The following C6 variants were observed in gnomAD, a reference collection of about 807,000 sequenced individuals.
The protein encoded by C6 is complement C6.
In C6, 101 loss-of-function variants were observed where a neutral mutation model predicts 112.9. That is an observed-to-expected ratio of 0.89 (90% CI 0.76 to 1.06). The LOEUF is 1.06. Ranked by LOEUF, C6 falls within the 50% of genes least tolerant of loss-of-function variation. C6 has a pLI of 0.00. For missense variants in C6, 1,202 were observed against 1,104.6 expected, an observed-to-expected ratio of 1.09 and a Z score of -1.25; for synonymous variants, 431 against 384.1, an observed-to-expected ratio of 1.12 and a Z score of -1.43.
chr5:41,176,095 G>A (rs1013207080), intron 8 of C6, among the ~76,000 whole-genome samples: 6 of 152,128 alleles, frequency 3.9e-5, no homozygotes, highest in Non-Finnish European at 5.9e-5. Flanking sequence ...CTATAAAAAT[G>A]TTATTCATAA....
chr5:41,242,391 T>A (rs1289337674), intron 1 of C6, among the ~76,000 whole-genome samples: 1 of 152,200 alleles, frequency 6.6e-6, no homozygotes, highest in Non-Finnish European at 1.5e-5. Flanking sequence ...TCTGCCATGA[T>A]TGTAAGTTTC....
At chr5:41,189,241 A>T (rs1273897836) in intron 5 of C6, among the ~76,000 whole-genome samples, 1 of 152,076 alleles carries the variant, frequency 6.6e-6, no homozygotes, top group African/African-American at 2.4e-5. Context: ...TTAAATGTAT[A>T]ATTACCATAA....
chr5:41,200,748 A>T (rs1352511905), intron 3 of C6, among the ~76,000 whole-genome samples: 1 of 152,142 alleles, frequency 6.6e-6, no homozygotes, highest in African/African-American at 2.4e-5. Flanking sequence ...TCAATGGGGA[A>T]CAATAAACAA....
chr5:41,213,758 C>T (rs1752081519), upstream of C6, among the ~76,000 whole-genome samples: 1 of 152,140 alleles, frequency 6.6e-6, no homozygotes, highest in Admixed American at 6.6e-5. Context: ...CTTAAAATTG[C>T]TGCCCCCCTT....
At chr5:41,249,420 T>C (rs1485705990) in intron 1 of C6, among the ~76,000 whole-genome samples, 1 of 152,184 alleles carries the variant, frequency 6.6e-6, no homozygotes. Context: ...AAAATGATAG[T>C]AGAACTGTTA....
intron 6 of C6, among the ~76,000 whole-genome samples, chr5:41,184,255 G>T (rs1262020845): frequency 1.3e-5 from 2 of 152,148 alleles, no homozygotes. Context: ...CTTCAAGGGG[G>T]ATACATTTTA....
At chr5:41,254,932 C>T (rs980434597) in intron 1 of C6, among the ~76,000 whole-genome samples, 4 of 152,186 alleles carry the variant, frequency 2.6e-5, no homozygotes, top group Non-Finnish European at 5.9e-5. Flanking sequence ...GATTGTGTCA[C>T]TTTAAATTTT....
intron 1 of C6, among the ~76,000 whole-genome samples, chr5:41,227,174 T>A (rs1460408557): frequency 6.6e-6 from 1 of 152,194 alleles, no homozygotes. Flanking sequence ...TGATACCTCA[T>A]GATGATTTTA....
chr5:41,209,241 A>G (rs533382669), intron 1 of C6, among the ~76,000 whole-genome samples: 1 of 152,344 alleles, frequency 6.6e-6, no homozygotes, highest in East Asian at 1.9e-4. Flanking sequence ...AGAGCTATTT[A>G]TGACAAACCC....
Position 41,153,939 on chromosome 5 carries a change from A to G in C6, c.2161T>C (p.Leu721=), listed in dbSNP as rs1427534665. 1 of 1,613,680 alleles carries G rather than the reference A, an allele frequency of 6.2e-7. No homozygotes were observed. Among genetic ancestry groups the G allele is most frequent in the Non-Finnish European group, 8.5e-7 (1 of 1,179,700 alleles). The part of the protein sequence containing the change: ...EVLTITPFQR[L]YRIGESIELT... ...TCAATGGATTCACCAATTCTATACA[A>G]TCTCTGAAATGGTGTAATTGTCAGG... Residue 721 remains leucine (L), a synonymous_variant, in exon 15 of 18, where the codon TTG becomes CTG. Coordinates refer to ENST00000337836, the MANE Select transcript of C6 (RefSeq NM_000065.5).
exon 1 of C6, chr5:41,261,285 G>T (rs2150450014): frequency 5.5e-6 from 4 of 728,670 alleles, no homozygotes; most frequent in Non-Finnish European, 6.7e-6. Flanking sequence ...CTTATTATGA[G>T]CTCTCAGCAG....
At chr5:41,152,516 T>A (rs577006845) in intron 15 of C6, among the ~76,000 whole-genome samples, 23 of 152,280 alleles carry the variant, frequency 1.5e-4, no homozygotes, top group Admixed American at 6.5e-5. Flanking sequence ...TCACTCTTCC[T>A]CCTCTTAGCT....
intron 1 of C6, among the ~76,000 whole-genome samples, chr5:41,225,623 G>C (rs1236379453): frequency 6.6e-6 from 1 of 152,082 alleles, no homozygotes; most frequent in Non-Finnish European, 1.5e-5. Flanking sequence ...TCTAGTTCTA[G>C]ATCCCTGAGG....
intron 5 of C6, among the ~76,000 whole-genome samples, chr5:41,189,068 G>A (rs527548120): frequency 6.6e-6 from 1 of 152,092 alleles, no homozygotes; most frequent in African/African-American, 2.4e-5. Flanking sequence ...AATCAAACCT[G>A]CGATGAGATA....
rs200375246 is a variant in C6 at position 41,159,171 on chromosome 5, G to C, written c.1767C>G (p.Cys589Trp). Residue 589 changes from cysteine (C) to tryptophan (W), a missense_variant, in exon 12 of 18, where the codon TGC becomes TGG. By Grantham distance (215) the Cys-to-Trp change is radical. Transcript: ENST00000337836. ...CTCCTCGTTGGGGGGCAGGATTATT[G>C]CATTCTCGGGTTCTCGATCTCTTAT... The part of the protein sequence containing the change: ...ATYKRSRTRE[C>W]NNPAPQRGGK... 6.2e-7 allele frequency: 1 copy of C among 1,613,526 alleles called. No individual in the cohort carries two copies. The highest frequency in any genetic ancestry group is 1.3e-5 in the African/African-American group (1 of 74,918).
rs1751672322 is a variant in C6 at position 41,208,985 on chromosome 5, A to G, written c.-21+4391T>C. On this transcript the variant is annotated intron_variant, in intron 1 of 17. Coordinates refer to ENST00000337836, the MANE Select transcript of C6 (RefSeq NM_000065.5). ...CAAAAATCCTCAATAAAATACTGGC[A>G]AACTGAATCCAGCAGCACATCAAAA... 6.6e-5 allele frequency among the ~76,000 whole-genome samples: 10 copies of G among 152,320 alleles called. No homozygotes were observed. The South Asian group carries it at 2.1e-3, about 32-fold the overall frequency.
chr5:41,231,304 ATTTATGATTTTTTATGGTGACATGT>A (rs1391381657), intron 1 of C6, among the ~76,000 whole-genome samples: 9 of 152,000 alleles, frequency 5.9e-5, no homozygotes, highest in African/African-American at 1.9e-4. Flanking sequence ...ACTTTGAGAT[ATTTATGATTTTTTATGGTGACATGT>A]TTCATTTCTT....
chr5:41,235,045 C>T (rs1325577895), intron 1 of C6, among the ~76,000 whole-genome samples: 3 of 146,998 alleles, frequency 2.0e-5, no homozygotes, highest in Non-Finnish European at 4.5e-5. Context: ...AGTCCAAGTC[C>T]TACATTCTCA....
intron 1 of C6, among the ~76,000 whole-genome samples, chr5:41,238,838 T>A (rs1402912050): frequency 6.6e-6 from 1 of 152,178 alleles, no homozygotes; most frequent in Non-Finnish European, 1.5e-5. Flanking sequence ...ATATGGTGAA[T>A]TAGAGTTTTT....
Sources: allele counts gnomAD v4.1 joint callset (sites outside exome capture counted in the v4.1 genomes callset), GRCh38; gene constraint gnomAD v4.1.1; transcripts MANE v1.5; gene names NCBI Gene and HGNC (gene_info 2026-07-23, HGNC 2026-07-21).